Variants in PVT1 observed in about 807,000 individuals in gnomAD.
PVT1 encodes the protein CXCR4/PVT1 fusion.
chr8:127,854,963 T>C (rs1276487826), intron 2 of PVT1, among the ~76,000 whole-genome samples: 2 of 152,170 alleles, frequency 1.3e-5, no homozygotes, highest in African/African-American at 4.8e-5. Flanking sequence ...CATTTCACGG[T>C]TGAAGAAACT....
intron 3 of PVT1, among the ~76,000 whole-genome samples, chr8:127,929,649 T>C (rs1452473071): frequency 6.6e-6 from 1 of 152,070 alleles, no homozygotes; most frequent in African/African-American, 2.4e-5. Context: ...GCGCCTGTAG[T>C]CCCAGCTACT....
At chr8:128,079,005 T>A (rs1483578572) in intron 5 of PVT1, among the ~76,000 whole-genome samples, 3 of 76,936 alleles carry the variant, frequency 3.9e-5, no homozygotes, top group African/African-American at 1.8e-4. Context: ...TTTTCTTTTC[T>A]TTTTTTTTTT....
intron 2 of PVT1, among the ~76,000 whole-genome samples, chr8:127,858,930 C>T (rs1190163104): frequency 1.3e-5 from 2 of 149,738 alleles, no homozygotes; most frequent in Non-Finnish European, 3.0e-5. Flanking sequence ...GCCTCAGCCT[C>T]CTGAATAGCT....
At chr8:128,062,043 A>C (rs935469078) in intron 4 of PVT1, among the ~76,000 whole-genome samples, 1 of 152,232 alleles carries the variant, frequency 6.6e-6, no homozygotes, top group African/African-American at 2.4e-5. Flanking sequence ...CACGTGCAAG[A>C]AAAGCTCTTA....
intron 3 of PVT1, among the ~76,000 whole-genome samples, chr8:127,982,673 A>AATTT: frequency 6.9e-6 from 1 of 145,818 alleles, no homozygotes; most frequent in African/African-American, 2.8e-5. Context: ...TTAATTAATT[A>AATTT]ATTAATAAAA....
chr8:127,930,017 A>G (rs986052754), intron 3 of PVT1, among the ~76,000 whole-genome samples: 1 of 152,224 alleles, frequency 6.6e-6, no homozygotes, highest in Non-Finnish European at 1.5e-5. Context: ...AGTACTCTGT[A>G]GTGATAGGGC....
intron 3 of PVT1, among the ~76,000 whole-genome samples, chr8:127,962,838 C>T (rs891222186): frequency 1.3e-5 from 2 of 152,074 alleles, no homozygotes; most frequent in East Asian, 1.9e-4. Context: ...CTCAGGTGAT[C>T]GCCCACCTCG....
chr8:128,051,786 C>CTT (rs55792253), intron 4 of PVT1, among the ~76,000 whole-genome samples: 5 of 151,906 alleles, frequency 3.3e-5, no homozygotes, highest in African/African-American at 1.2e-4. Context: ...CTGTTTGGGT[C>CTT]TTTTTTTATG....
chr8:128,002,964 T>TCC (rs1491218567), intron 4 of PVT1, among the ~76,000 whole-genome samples: 1 of 32,702 alleles, frequency 3.1e-5, no homozygotes, highest in African/African-American at 1.1e-4. Context: ...CCTCCCTCCC[T>TCC]CCCTCTTCCT....
intron 4 of PVT1, among the ~76,000 whole-genome samples, chr8:128,032,100 G>A (rs1813398320): frequency 6.6e-6 from 1 of 152,210 alleles, no homozygotes; most frequent in Non-Finnish European, 1.5e-5. Flanking sequence ...CTGAGAACAA[G>A]CCTTGGAGGC....
intron 3 of PVT1, among the ~76,000 whole-genome samples, chr8:127,945,011 C>G (rs1263972282): frequency 6.6e-6 from 1 of 152,110 alleles, no homozygotes; most frequent in Non-Finnish European, 1.5e-5. Context: ...ATTCTACTTT[C>G]CCCTGGGGGT....
intron 4 of PVT1, among the ~76,000 whole-genome samples, chr8:127,993,841 C>A (rs769398066): frequency 6.6e-6 from 1 of 152,164 alleles, no homozygotes; most frequent in Non-Finnish European, 1.5e-5. Flanking sequence ...GCACAAATAT[C>A]GAACGAGAAC....
At chr8:127,909,399 G>A (rs1815863748) in intron 3 of PVT1, among the ~76,000 whole-genome samples, 1 of 152,208 alleles carries the variant, frequency 6.6e-6, no homozygotes, top group South Asian at 2.1e-4. Flanking sequence ...GAGAGAGAGA[G>A]GGCCTGGGTC....
At chr8:127,989,960 G>A (rs1285046180) in intron 4 of PVT1, among the ~76,000 whole-genome samples, 1 of 152,188 alleles carries the variant, frequency 6.6e-6, no homozygotes, top group Non-Finnish European at 1.5e-5. Flanking sequence ...TGAGATATTG[G>A]AGCAAAACAG....
intron 5 of PVT1, among the ~76,000 whole-genome samples, chr8:128,082,353 G>A (rs1814192713): frequency 6.6e-6 from 1 of 152,190 alleles, no homozygotes; most frequent in South Asian, 2.1e-4. Context: ...CTACTTTACA[G>A]TTAAAATAAT....
intron 3 of PVT1, among the ~76,000 whole-genome samples, chr8:127,919,097 C>T (rs147285149): frequency 2.6e-5 from 4 of 152,320 alleles, no homozygotes; most frequent in African/African-American, 9.6e-5. Context: ...TGTGATTGCA[C>T]GTCGGGTACC....
At chr8:127,863,081 TA>T (rs869139789) in intron 2 of PVT1, among the ~76,000 whole-genome samples, 1 of 73,474 alleles carries the variant, frequency 1.4e-5, no homozygotes, top group Admixed American at 1.3e-4. Context: ...TTGCTAGTTT[TA>T]TTTATTTATT....
At chr8:128,026,445 G>A (rs2130063034) in intron 4 of PVT1, among the ~76,000 whole-genome samples, 1 of 152,218 alleles carries the variant, frequency 6.6e-6, no homozygotes, top group East Asian at 1.9e-4. Context: ...TGCAGCAGGT[G>A]TTATTCTCAT....
chr8:128,002,634 T>C (rs1272677245), intron 4 of PVT1, among the ~76,000 whole-genome samples: 1 of 152,182 alleles, frequency 6.6e-6, no homozygotes, highest in African/African-American at 2.4e-5. Context: ...TCCAAGTCTC[T>C]GCCTCCATCC....
Sources: allele counts gnomAD v4.1 joint callset (sites outside exome capture counted in the v4.1 genomes callset), GRCh38; gene constraint gnomAD v4.1.1; transcripts MANE v1.5; gene names NCBI Gene and HGNC (gene_info 2026-07-23, HGNC 2026-07-21).